The following STARD9 variants were observed in gnomAD, a reference collection of about 807,000 sequenced individuals.
STARD9 encodes the protein stAR-related lipid transfer protein 9.
STARD9 carries 346 observed loss-of-function variants against 399.8 expected under a neutral mutation model. The ratio of observed to expected loss-of-function variants is 0.87; its 90% confidence interval spans 0.79 to 0.95. The LOEUF is 0.95. Among genes scored for constraint, STARD9 ranks in the 40% least tolerant of loss-of-function variants. STARD9 has a pLI of 0.00. For missense variants in STARD9, 5,832 were observed against 5,667.5 expected, an observed-to-expected ratio of 1.03 and a Z score of -0.93; for synonymous variants, 2,203 against 2,143.5, an observed-to-expected ratio of 1.03 and a Z score of -0.77.
Position 42,675,929 on chromosome 15 carries a change from C to T in STARD9, c.1828C>T (p.Leu610Phe), listed in dbSNP as rs1041672923. Reference sequence around the variant, plus strand: ...GGAGTGGCTGGATTTGGATGGAGATCTCGCTGCCTCCCGGCTGGGTCTCTC... The same window carrying T: ...GGAGTGGCTGGATTTGGATGGAGATTTCGCTGCCTCCCGGCTGGGTCTCTC... ...SLEWLDLDGD[L>F]AASRLGLSPL... Residue 610 changes from leucine to phenylalanine, a missense_variant, in exon 20 of 33, where the codon CTC (leucine) becomes TTC (phenylalanine). By Grantham distance (22) the Leu-to-Phe change is conservative. Around this residue, in one of 2 missense-constraint regions of STARD9, gnomAD observed 5,828 missense variants for 5,651.1 expected, o/e 1.03. Transcript: ENST00000290607. 12 of 1,536,914 alleles carry T rather than the reference C, an allele frequency of 7.8e-6. No individual in the cohort carries two copies. In the Admixed American group the frequency reaches 1.2e-4, roughly 15 times the overall value.
At chr15:42,643,475 C>T (rs767425815) in intron 7 of STARD9, among the ~76,000 whole-genome samples, 7 of 151,578 alleles carry the variant, frequency 4.6e-5, no homozygotes, top group African/African-American at 1.5e-4. Flanking sequence ...GGATTACAGG[C>T]GTGAGCCACT....
intron 22 of STARD9, among the ~76,000 whole-genome samples, chr15:42,683,716 CTTGTT>C (rs1368823311): frequency 2.0e-5 from 3 of 152,092 alleles, no homozygotes; most frequent in Non-Finnish European, 4.4e-5. Context: ...AATCATTCTT[CTTGTT>C]TTATTTGTAA....
chr15:42,584,273 T>C (rs1415526134), intron 2 of STARD9, among the ~76,000 whole-genome samples: 1 of 152,202 alleles, frequency 6.6e-6, no homozygotes, highest in Non-Finnish European at 1.5e-5. Flanking sequence ...TTTCCTCTTG[T>C]CATTAGTTCT....
At chr15:42,636,716 A>T (rs1329871040) in intron 4 of STARD9, among the ~76,000 whole-genome samples, 2 of 152,202 alleles carry the variant, frequency 1.3e-5, no homozygotes, top group Non-Finnish European at 2.9e-5. Flanking sequence ...CCTTGGGCCT[A>T]GCTCATTGCT....
Position 42,663,314 on chromosome 15 carries a change from G to A in STARD9, c.902G>A (p.Ser301Asn), listed in dbSNP as rs980671737. ...TCCCAAGTTTTCAGCAGCTGCCAGA[G>A]CCTCAACAGCTCAGTCAGCAATGGT... The part of the protein sequence containing the change: ...QNSQVFSSCQ[S>N]LNSSVSNGGD... The change falls in exon 12 of 33, where the codon AGC becomes AAC. Residue 301 changes from serine to asparagine, a missense_variant. This residue lies in a region of STARD9 where 5,828 missense variants were observed against 5,651.1 expected (regional missense o/e 1.03). Transcript: ENST00000290607. The A allele has an allele frequency of 1.3e-6, 2 of 1,536,956 alleles. No individual in the cohort carries two copies. Among genetic ancestry groups the A allele is most frequent in the African/African-American group, 1.4e-5 (1 of 73,032 alleles).
chr15:42,654,201 A>T (rs1361645698), intron 9 of STARD9, among the ~76,000 whole-genome samples: 1 of 152,218 alleles, frequency 6.6e-6, no homozygotes, highest in Non-Finnish European at 1.5e-5. Context: ...CAAAGGAGAT[A>T]TGAGACACAG....
rs566299158 is a variant in STARD9, at chr15:42,634,808, A to G, written c.235-48A>G. 2.7e-5 allele frequency: 24 copies of G among 884,582 alleles called. No homozygotes were observed. In the African/African-American group the frequency reaches 3.2e-4, roughly 12 times the overall value. The allele number at this position is 884,582 out of a possible 1,614,324, so 54.8% of individuals were successfully genotyped here. ...ATTAGAAAATAATTCTAAATCTGCTATGAGAAGAAGGACCACAGTGATATT... is the reference window on the plus strand; with the variant it reads ...ATTAGAAAATAATTCTAAATCTGCTGTGAGAAGAAGGACCACAGTGATATT... On this transcript the variant is annotated intron_variant, in intron 3 of 32. Coordinates refer to ENST00000290607, the MANE Select transcript of STARD9 (RefSeq NM_020759.3).
chr15:42,618,372 A>G (rs2059015351), intron 3 of STARD9, among the ~76,000 whole-genome samples: 1 of 151,810 alleles, frequency 6.6e-6, no homozygotes, highest in Non-Finnish European at 1.5e-5. Context: ...TGCTCAAGTG[A>G]TCCTCCTGCT....
At chr15:42,648,217 C>T (rs139132223) in intron 7 of STARD9, among the ~76,000 whole-genome samples, 20 of 152,302 alleles carry the variant, frequency 1.3e-4, no homozygotes, top group African/African-American at 4.3e-4. Flanking sequence ...GGTTAGAGTG[C>T]AGTGGCGCGA....
At chr15:42,612,384 T>C (rs1860111511) in intron 3 of STARD9, among the ~76,000 whole-genome samples, 1 of 152,114 alleles carries the variant, frequency 6.6e-6, no homozygotes, top group African/African-American at 2.4e-5. Context: ...GGAAATCGAG[T>C]CAGTGAGGCT....
At position 42,669,242 on chromosome 15, in the gene STARD9, A is replaced by G; in HGVS notation, c.1402A>G (p.Arg468Gly). The G allele has an allele frequency of 6.5e-7, 1 of 1,537,122 alleles. No homozygotes were observed. The highest frequency in any genetic ancestry group is 8.7e-7 in the Non-Finnish European group (1 of 1,146,808). ...MEHYSVDINRRRAGVVIDSSL... is the reference protein window; with the variant it reads ...MEHYSVDINRGRAGVVIDSSL... ...GCATTACAGTGTGGACATCAACAGG[A>G]GGAGGGCTGGGGTGGTCATCGACTC... Residue 468 changes from arginine (R) to glycine (G), a missense_variant, in exon 16 of 33, where the codon AGG (arginine) becomes GGG (glycine). Around this residue, in one of 2 missense-constraint regions of STARD9, gnomAD observed 5,828 missense variants for 5,651.1 expected, o/e 1.03. Transcript: ENST00000290607.
At chr15:42,584,601 G>C (rs1341503671) in intron 2 of STARD9, among the ~76,000 whole-genome samples, 3 of 152,174 alleles carry the variant, frequency 2.0e-5, no homozygotes, top group Non-Finnish European at 4.4e-5. Flanking sequence ...CCTGTCCGGA[G>C]TGTATAAGAT....
chr15:42,663,551 C>T, intron 12 of STARD9, 61 bp downstream of exon 12: 1 of 1,168,020 alleles, frequency 8.6e-7, no homozygotes, highest in Non-Finnish European at 1.2e-6. Flanking sequence ...AGAGAAAGGG[C>T]CATGGCCCCA....
rs2061399131 is a variant in STARD9, at chr15:42,718,839, C to T, written c.13930C>T (p.Pro4644Ser). 6.5e-7 allele frequency: 1 copy of T among 1,537,062 alleles called. No homozygotes were observed. Among genetic ancestry groups the T allele is most frequent in the Non-Finnish European group, 8.7e-7 (1 of 1,146,728 alleles). ...SRKMVRGEIL[P>S]SAWILQPITV... is the part of the protein sequence containing the mutation. ...AAAAATGGTTCGCGGGGAGATCCTG[C>T]CCAGTGCCTGGATCTTGCAGCCCAT... is the stretch of plus-strand genomic sequence containing the variant. Residue 4644 changes from proline (P) to serine (S), a missense_variant, in exon 32 of 33, where the codon CCC (proline) becomes TCC (serine). Physicochemically the swap from Pro to Ser is moderately conservative, Grantham distance 74. Transcript: ENST00000290607.
chr15:42,719,938 T>G lies in STARD9; in HGVS notation c.*364T>G, dbSNP rs2061422255. ...CCAGCAGAGCCGGGGACTGCAGTGC[T>G]TTGGCAAGGTGCTTCCGCAGGCTGG... On this transcript the variant is annotated 3_prime_UTR_variant, in exon 33 of 33. Transcript: ENST00000290607. 5.4e-6 allele frequency: 1 copy of G among 185,050 alleles called. No individual in the cohort carries two copies. The highest frequency in any genetic ancestry group is 2.4e-5 in the African/African-American group (1 of 42,542). 11.5% of individuals were successfully genotyped at this position (185,050 alleles called of 1,614,324 possible).
intron 7 of STARD9, among the ~76,000 whole-genome samples, chr15:42,641,616 T>C (rs950269698): frequency 2.0e-5 from 3 of 151,802 alleles, no homozygotes; most frequent in African/African-American, 7.3e-5. Flanking sequence ...TTTCTTTTTT[T>C]TTTTTGAGAC....
At position 42,685,610 on chromosome 15, in the gene STARD9, G is replaced by A. The variant is rs1014241734; in HGVS notation, c.4032G>A (p.Lys1344=). The A allele has an allele frequency of 6.5e-7, 1 of 1,537,350 alleles. No individual in the cohort carries two copies. Among genetic ancestry groups the A allele is most frequent in the Non-Finnish European group, 8.7e-7 (1 of 1,146,974 alleles). The change falls in exon 23 of 33, where the codon AAG becomes AAA. Residue 1344 remains lysine, a synonymous_variant. Transcript: ENST00000290607. ...ATTCCTGGTTTTCCTGTGACTCTAAGATCAACCCCAGCAGCCCCCCAGGAA... is the reference window on the plus strand; with the variant it reads ...ATTCCTGGTTTTCCTGTGACTCTAAAATCAACCCCAGCAGCCCCCCAGGAA... The part of the protein sequence containing the change: ...SMDSWFSCDS[K]INPSSPPGIV...
chr15:42,595,298 T>C (rs946648646), intron 3 of STARD9, among the ~76,000 whole-genome samples: 1 of 152,112 alleles, frequency 6.6e-6, no homozygotes, highest in Non-Finnish European at 1.5e-5. Flanking sequence ...AGGAACAGGC[T>C]CAGATTTGTT....
Position 42,685,624 on chromosome 15 carries a change from G to A in STARD9, c.4046G>A (p.Ser1349Asn). The A allele has an allele frequency of 4.6e-6, 7 of 1,537,368 alleles. No homozygotes were observed. Among genetic ancestry groups the A allele is most frequent in the African/African-American group, 1.4e-5 (1 of 73,146 alleles). Residue 1349 changes from serine (S) to asparagine (N), a missense_variant, in exon 23 of 33, where the codon AGC (serine) becomes AAC (asparagine). Coordinates refer to ENST00000290607, the MANE Select transcript of STARD9 (RefSeq NM_020759.3). ...FSCDSKINPS[S>N]PPGIVGSLCP... Reference sequence around the variant, plus strand: ...TGTGACTCTAAGATCAACCCCAGCAGCCCCCCAGGAATAGTGGGTTCTTTA... The same window carrying A: ...TGTGACTCTAAGATCAACCCCAGCAACCCCCCAGGAATAGTGGGTTCTTTA...
Sources: gnomAD v4.1 joint callset for allele counts (sites outside exome capture counted in the v4.1 genomes callset) on GRCh38, gnomAD v4.1.1 for gene constraint, gnomAD v4.1.1 regional missense constraint, MANE v1.5 for transcripts, NCBI Gene and HGNC (gene_info 2026-07-23, HGNC 2026-07-21) for gene names.